The following OOSP3 variants were observed in gnomAD, a reference collection of about 807,000 sequenced individuals.
The protein encoded by OOSP3 is oocyte secreted protein family member 3, also known as oocyte-secreted protein 3.
chr11:59,895,344 A>C (rs1268613644), intron 3 of OOSP3, among the ~76,000 whole-genome samples, 158 bp from the exon 4 acceptor site: 2 of 151,748 alleles, frequency 1.3e-5, no homozygotes, highest in Non-Finnish European at 2.9e-5. Context: ...CCTTAAAAAA[A>C]AAAGGCAAGT....
intron 2 of OOSP3, among the ~76,000 whole-genome samples, chr11:59,885,230 A>G (rs561113153): frequency 6.6e-6 from 1 of 152,312 alleles, no homozygotes; most frequent in South Asian, 2.1e-4. Context: ...ATTTAGTCAT[A>G]CTGCTTAGTC....
At chr11:59,883,554 G>A (rs1277080391) in intron 2 of OOSP3, among the ~76,000 whole-genome samples, 1 of 152,196 alleles carries the variant, frequency 6.6e-6, no homozygotes, top group Admixed American at 6.5e-5. Flanking sequence ...GTAGTAAAAT[G>A]TGAACAGGCA....
intron 2 of OOSP3, among the ~76,000 whole-genome samples, chr11:59,887,791 G>T (rs900879589): frequency 6.6e-6 from 1 of 152,022 alleles, no homozygotes; most frequent in Non-Finnish European, 1.5e-5. Flanking sequence ...CTCTTTTTCG[G>T]TTCCATATGA....
chr11:59,892,338 G>A (rs896635888), intron 2 of OOSP3, among the ~76,000 whole-genome samples: 1 of 152,064 alleles, frequency 6.6e-6, no homozygotes, highest in African/African-American at 2.4e-5. Context: ...CTTGCTCTCT[G>A]TGGATTGTAC....
intron 2 of OOSP3, among the ~76,000 whole-genome samples, chr11:59,886,016 C>T (rs1359924208): frequency 6.6e-6 from 1 of 152,104 alleles, no homozygotes; most frequent in Admixed American, 6.5e-5. Context: ...GCCCAGCATG[C>T]ATTAACTATT....
intron 3 of OOSP3, among the ~76,000 whole-genome samples, chr11:59,894,735 G>A (rs185443439): frequency 6.6e-6 from 1 of 152,174 alleles, no homozygotes; most frequent in African/African-American, 2.4e-5. Flanking sequence ...CAAGTAAGAT[G>A]GTAAAATGAG....
At chr11:59,894,307 A>G (rs929390079) in intron 3 of OOSP3, 131 bp downstream of exon 3, 13 of 393,238 alleles carry the variant, frequency 3.3e-5, no homozygotes, top group African/African-American at 2.7e-4. Flanking sequence ...TCTCTGTGCA[A>G]TGATGAGGTA....
intron 2 of OOSP3, among the ~76,000 whole-genome samples, chr11:59,892,017 G>A (rs897481244): frequency 9.9e-5 from 15 of 152,214 alleles, no homozygotes; most frequent in Non-Finnish European, 2.9e-5. Flanking sequence ...AGTAGTGGAC[G>A]AATCTCTTGC....
At chr11:59,891,402 C>G (rs898560051) in intron 2 of OOSP3, among the ~76,000 whole-genome samples, 2 of 152,168 alleles carry the variant, frequency 1.3e-5, no homozygotes, top group Non-Finnish European at 2.9e-5. Context: ...TTTTCCTCAT[C>G]TTCTTGGATG....
chr11:59,884,501 C>G (rs1267223247), intron 2 of OOSP3, among the ~76,000 whole-genome samples: 4 of 147,612 alleles, frequency 2.7e-5, no homozygotes, highest in African/African-American at 1.0e-4. Context: ...CTCTCTCTCT[C>G]TCTCTCTCTC....
intron 2 of OOSP3, among the ~76,000 whole-genome samples, chr11:59,884,413 T>C (rs1853230002): frequency 6.6e-6 from 1 of 151,942 alleles, no homozygotes; most frequent in Admixed American, 6.6e-5. Context: ...TTTGGGTGGA[T>C]CTCTTATGAT....
intron 2 of OOSP3, among the ~76,000 whole-genome samples, chr11:59,891,665 T>A (rs1296089582): frequency 6.6e-6 from 1 of 152,208 alleles, no homozygotes; most frequent in Non-Finnish European, 1.5e-5. Context: ...ACCGACCAGA[T>A]GCCAGCTATT....
Position 59,888,932 on chromosome 11 carries a change from T to C in OOSP3, c.253-5147T>C, listed in dbSNP as rs535334346. Among the ~76,000 whole-genome samples, 322 of 152,280 alleles carry C rather than the reference T, an allele frequency of 2.1e-3. 1 individual carries two copies. Among genetic ancestry groups the C allele is most frequent in the African/African-American group, 7.4e-3 (308 of 41,562 alleles). Reference sequence around the variant, plus strand: ...GCTGTAAATCCAACGGGTCCTGGGCTTCTTTGTTTGTTTGGTTGGTAGGCT... The same window carrying C: ...GCTGTAAATCCAACGGGTCCTGGGCCTCTTTGTTTGTTTGGTTGGTAGGCT... On this transcript the variant is annotated intron_variant, in intron 2 of 4. Transcript: ENST00000646438.
exon 4 of OOSP3, chr11:59,895,605 G>A (rs553510849): frequency 5.0e-6 from 2 of 398,310 alleles, no homozygotes; most frequent in African/African-American, 4.1e-5. Context: ...CTTAACCAAC[G>A]CTAGCTTATT....
chr11:59,880,173 G>A (rs1207848049), intron 1 of OOSP3, 88 bp from the exon 2 acceptor site: 1 of 396,842 alleles, frequency 2.5e-6, no homozygotes, highest in Non-Finnish European at 4.4e-6. Context: ...ATATACATAT[G>A]TTTAAATATG....
intron 2 of OOSP3, among the ~76,000 whole-genome samples, chr11:59,891,658 G>C (rs1392274243): frequency 6.6e-6 from 1 of 152,166 alleles, no homozygotes; most frequent in East Asian, 1.9e-4. Context: ...GGGGAGGACC[G>C]ACCAGATGCC....
At chr11:59,893,829 C>T (rs1419016541) in intron 2 of OOSP3, among the ~76,000 whole-genome samples, 1 of 152,218 alleles carries the variant, frequency 6.6e-6, no homozygotes, top group Non-Finnish European at 1.5e-5. Context: ...CCTAGTCTGG[C>T]AATTCAAGAT....
At chr11:59,894,907 A>T (rs1853342345) in intron 3 of OOSP3, among the ~76,000 whole-genome samples, 1 of 152,202 alleles carries the variant, frequency 6.6e-6, no homozygotes, top group Non-Finnish European at 1.5e-5. Context: ...ACTCTTTAAG[A>T]TCAAATTAAA....
chr11:59,887,956 T>A (rs1331440085), intron 2 of OOSP3, among the ~76,000 whole-genome samples: 1 of 152,206 alleles, frequency 6.6e-6, no homozygotes, highest in Non-Finnish European at 1.5e-5. Flanking sequence ...TTTCATCTGT[T>A]TGTGTCCTCT....
Sources: allele counts gnomAD v4.1 joint callset (sites outside exome capture counted in the v4.1 genomes callset), GRCh38; gene constraint gnomAD v4.1.1; transcripts MANE v1.5; gene names NCBI Gene and HGNC (gene_info 2026-07-23, HGNC 2026-07-21).